TAF1: variants seen among roughly 807,000 people sequenced by gnomAD.
TAF1 encodes TATA-box binding protein associated factor 1, also known as transcription initiation factor TFIID subunit 1.
In TAF1, 2 loss-of-function variants were observed where a neutral mutation model predicts 138.5. The observed-to-expected ratio is 0.01, with a 90% CI of 0.01 to 0.05. The LOEUF is 0.05. Among genes scored for constraint, TAF1 ranks in the 10% least tolerant of loss-of-function variants. TAF1 has a pLI of 1.00. For synonymous variants in TAF1, 437 were observed against 503.2 expected (o/e 0.87, Z 1.76); for missense variants, 709 against 1,478.0 (o/e 0.48, Z 8.53).
At chrX:71,501,827 C>A (rs2039514819) in intron 13 of TAF1, among the ~76,000 whole-genome samples, 1 of 111,235 alleles carries the variant, frequency 9.0e-6, no homozygotes, top group South Asian at 3.8e-4. Context: ...TAGTTAGCCC[C>A]TGAATTCTAA....
chrX:71,471,036 G>T, intron 13 of TAF1, among the ~76,000 whole-genome samples: 1 of 107,507 alleles, frequency 9.3e-6, no homozygotes, highest in South Asian at 4.2e-4. Flanking sequence ...ATATATACAT[G>T]GCCAGGTGCT....
intron 32 of TAF1, among the ~76,000 whole-genome samples, chrX:71,453,699 ATTGT>A (rs1186129112): frequency 3.7e-5 from 4 of 109,485 alleles, no homozygotes; most frequent in African/African-American, 1.3e-4. Flanking sequence ...ATCAGACATA[ATTGT>A]TTGTTAAAAG....
chrX:71,490,449 C>T (rs999349261), intron 13 of TAF1, among the ~76,000 whole-genome samples: 7 of 110,041 alleles, frequency 6.4e-5, no homozygotes, highest in African/African-American at 2.0e-4. Context: ...TTTTTTGAGA[C>T]GGAGTCTCTC....
chrX:71,389,991 C>CA (rs2034470331), intron 18 of TAF1, among the ~76,000 whole-genome samples: 1 of 110,907 alleles, frequency 9.0e-6, no homozygotes, highest in African/African-American at 3.3e-5. Flanking sequence ...TCTCCTGCCT[C>CA]AGCCTCCCGA....
chrX:71,399,219 C>T (rs909602900), intron 24 of TAF1, among the ~76,000 whole-genome samples: 2 of 106,759 alleles, frequency 1.9e-5, no homozygotes, highest in African/African-American at 3.4e-5. Context: ...GGATTGCAGG[C>T]GTGAGCCACC....
At chrX:71,410,182 C>T (rs1431757765) in intron 28 of TAF1, among the ~76,000 whole-genome samples, 1 of 111,106 alleles carries the variant, frequency 9.0e-6, no homozygotes, top group African/African-American at 3.3e-5. Flanking sequence ...TGAACCACCG[C>T]GCCCGGCCGC....
At chrX:71,461,003 CTG>C (rs2038529338) in intron 37 of TAF1, 200 bp downstream of exon 37, 1 of 467,539 alleles carries the variant, frequency 2.1e-6, no homozygotes, top group Middle Eastern at 5.6e-4. Flanking sequence ...GTGGAAAAGA[CTG>C]ACACAAACAA....
intron 13 of TAF1, chrX:71,491,038 TTGTTG>T (rs2039268784): frequency 1.0e-5 from 1 of 96,237 alleles, no homozygotes; most frequent in Non-Finnish European, 2.1e-5. Context: ...GTTGTTGTTG[TTGTTG>T]TTTTTTTTTT....
At chrX:71,483,781 T>TC (rs2039122085) in intron 13 of TAF1, among the ~76,000 whole-genome samples, 2 of 55,171 alleles carry the variant, frequency 3.6e-5, no homozygotes, top group African/African-American at 1.4e-4. Flanking sequence ...TCTCTCTCTC[T>TC]ATATATATAT....
intron 30 of TAF1, 90 bp from the exon 31 acceptor site, chrX:71,423,884 T>C: frequency 5.5e-6 from 4 of 726,983 alleles, no homozygotes; most frequent in Non-Finnish European, 8.1e-6. Context: ...CCATAGCTTT[T>C]TTTAGGAATA....
intron 28 of TAF1, among the ~76,000 whole-genome samples, chrX:71,417,865 C>G (rs1341371501): frequency 2.7e-5 from 3 of 111,266 alleles, no homozygotes; most frequent in Non-Finnish European, 5.7e-5. Context: ...TATACTAATA[C>G]TCTATTTTTA....
chrX:71,407,506 C>CTGTG (rs2035536976), intron 26 of TAF1, 68 bp from the exon 27 acceptor site: 4 of 1,020,612 alleles, frequency 3.9e-6, no homozygotes, highest in African/African-American at 1.9e-5. Context: ...GTGTGAGCTA[C>CTGTG]TGTGCCTGGA....
At chrX:71,375,457 C>T (rs2033401943) in intron 4 of TAF1, among the ~76,000 whole-genome samples, 171 bp downstream of exon 4, 1 of 111,050 alleles carries the variant, frequency 9.0e-6, no homozygotes, top group African/African-American at 3.3e-5. Flanking sequence ...ACTTTTAAAA[C>T]ATTTGGCAAC....
intron 28 of TAF1, chrX:71,420,278 T>A (rs2036261017): frequency 9.4e-7 from 1 of 1,059,873 alleles, no homozygotes; most frequent in Non-Finnish European, 1.3e-6. Flanking sequence ...TCACCTTGAT[T>A]TGCCTTCCTC....
chrX:71,449,480 C>T (rs1003422480), intron 32 of TAF1, among the ~76,000 whole-genome samples: 5 of 112,390 alleles, frequency 4.4e-5, no homozygotes, highest in Non-Finnish European at 9.4e-5. Context: ...AGGAAGAGGT[C>T]CCATTTTCAA....
At chrX:71,480,278 C>T (rs1374080625) in intron 13 of TAF1, among the ~76,000 whole-genome samples, 1 of 110,827 alleles carries the variant, frequency 9.0e-6, no homozygotes, top group African/African-American at 3.3e-5. Context: ...ACCTGTAGTC[C>T]CAGCTACTCG....
chrX:71,463,939 C>T lies in TAF1; in HGVS notation c.5515C>T (p.Arg1839Cys), dbSNP rs760905652. Reference protein sequence around the residue: ...EEEDEEEEEQRSGPSVLSQVH... With the variant: ...EEEDEEEEEQCSGPSVLSQVH... ...AGAAGATGAGGAGGAGGAAGAGCAGCGCTCTGGGCCGAGCGTACTAAGCCA... is the reference window on the plus strand; with the variant it reads ...AGAAGATGAGGAGGAGGAAGAGCAGTGCTCTGGGCCGAGCGTACTAAGCCA... Residue 1839 changes from arginine (R) to cysteine (C), a missense_variant, in exon 38 of 38, where the codon CGC becomes TGC. Arg to Cys is a radical substitution (Grantham distance 180). Transcript: ENST00000423759. The T allele has an allele frequency of 1.0e-5, 12 of 1,205,770 alleles. No individual in the cohort carries two copies. The highest frequency in any genetic ancestry group is 1.2e-5 in the Non-Finnish European group (11 of 892,293).
intron 13 of TAF1, among the ~76,000 whole-genome samples, chrX:71,503,302 A>ATATATATATATATATATATGTGTGTG (rs2039550279): frequency 6.4e-5 from 6 of 94,452 alleles, no homozygotes; most frequent in Non-Finnish European, 1.0e-4. Context: ...ATATGTGTAT[A>ATATATATATATATATATATGTGTGTG]TATATATATA....
intron 14 of TAF1, among the ~76,000 whole-genome samples, chrX:71,386,142 CAA>C (rs1481003769): frequency 9.9e-6 from 1 of 100,513 alleles, no homozygotes; most frequent in Non-Finnish European, 2.0e-5. Context: ...GCCTGGGCAA[CAA>C]GAGCGAAACT....
Sources: gnomAD v4.1 joint callset for allele counts (sites outside exome capture counted in the v4.1 genomes callset) on GRCh38, gnomAD v4.1.1 for gene constraint, MANE v1.5 for transcripts, NCBI Gene and HGNC (gene_info 2026-07-23, HGNC 2026-07-21) for gene names.